ZSCAN5C: variants seen among roughly 807,000 people sequenced by gnomAD.
ZSCAN5C encodes zinc finger and SCAN domain containing 5C.
ZSCAN5C carries 11 observed loss-of-function variants against 17.3 expected under a neutral mutation model. The ratio of observed to expected loss-of-function variants is 0.64; its 90% CI spans 0.40 to 1.06. The LOEUF (loss-of-function observed/expected upper bound fraction) is 1.06, where lower values mean the gene tolerates loss of function less well. Among genes scored for constraint, ZSCAN5C ranks in the 50% least tolerant of loss-of-function variants. The pLI is 0.00. For missense variants in ZSCAN5C, 698 were observed against 538.9 expected, an observed-to-expected ratio of 1.30 and a Z score of -2.92; for synonymous variants, 229 against 208.4, an observed-to-expected ratio of 1.10 and a Z score of -0.85.
chr19:56,204,308 G>A (rs557808331), intron 1 of ZSCAN5C, among the ~76,000 whole-genome samples: 4 of 150,512 alleles, frequency 2.7e-5, no homozygotes, highest in Non-Finnish European at 4.4e-5. Flanking sequence ...CTCCCATATC[G>A]GCTGCTCTAA....
chr19:56,207,190 G>C (rs772010951), exon 3 of ZSCAN5C: 16 of 778,486 alleles, frequency 2.1e-5, no homozygotes, highest in Non-Finnish European at 3.6e-5. Context: ...TGAACCAGAT[G>C]TGTCCGGAGG....
At position 56,208,618 on chromosome 19, in the gene ZSCAN5C, C is replaced by T. The variant is rs182258045; in HGVS notation, c.909C>T (p.Asp303=). 755 of 1,606,548 alleles carry T rather than the reference C, an allele frequency of 4.7e-4. 6 individuals carry two copies. The African/African-American group carries it at 7.6e-3, about 16-fold the overall frequency. ...GAGGTCTCAAAAGAAGCAAACCAGA[C>T]GCCACCTCCATTTCCCAAGAAGAGC... is the stretch of plus-strand genomic sequence containing the variant. Residue 303 remains aspartate (D), a synonymous_variant, in exon 5 of 5, where the codon GAC becomes GAT. Transcript: ENST00000534327.
At chr19:56,209,368 T>C (rs1031140649), downstream of ZSCAN5C, 2 of 511,134 alleles carry the variant, frequency 3.9e-6, no homozygotes, top group Admixed American at 7.3e-5. Flanking sequence ...CGGGGGAATT[T>C]TGGTTTTTGT....
chr19:56,205,596 A>C (rs1398602886), intron 1 of ZSCAN5C, among the ~76,000 whole-genome samples, 191 bp from the exon 2 acceptor site: 1 of 151,858 alleles, frequency 6.6e-6, no homozygotes, highest in Non-Finnish European at 1.5e-5. Flanking sequence ...AATCCAGGGG[A>C]GTATTCAGAT....
exon 2 of ZSCAN5C, chr19:56,205,788 C>T: frequency 3.4e-6 from 2 of 587,714 alleles, no homozygotes; most frequent in South Asian, 2.2e-5. Flanking sequence ...TCCCTGCAGA[C>T]TTCTGAATGA....
downstream of ZSCAN5C, chr19:56,209,247 A>T (rs897245074): frequency 1.6e-6 from 1 of 637,050 alleles, no homozygotes; most frequent in Admixed American, 2.8e-5. Flanking sequence ...GTGAATGAAG[A>T]TTTTTCACCG....
At chr19:56,208,068 T>G in exon 4 of ZSCAN5C, 1 of 757,950 alleles carries the variant, frequency 1.3e-6, no homozygotes. Context: ...ACTACTGTCA[T>G]GAAAGGTGAC....
In ZSCAN5C at chr19:56,205,979, A is replaced by C. The variant is rs775005415; in HGVS notation, c.66A>C (p.Pro22=). 2.4e-5 allele frequency: 37 copies of C among 1,561,488 alleles called. 1 individual carries two copies. Among genetic ancestry groups the C allele is most frequent in the South Asian group, 1.1e-4 (10 of 90,104 alleles). The change falls in exon 2 of 5, where the codon CCA becomes CCC. Residue 22 remains proline (P), a synonymous_variant. Coordinates refer to ENST00000534327, the Ensembl canonical transcript of ZSCAN5C. ...CCTGCAACAGCCCTGGGTCAGAGCC[A>C]CCACAGTCCATGCCATCCCCAGCAA...
At chr19:56,209,110 C>T (rs748445583) in exon 5 of ZSCAN5C, 3 of 1,573,776 alleles carry the variant, frequency 1.9e-6, no homozygotes, top group African/African-American at 2.7e-5. Flanking sequence ...GAGAGAAACC[C>T]CACAAATGTT....
chr19:56,208,817 A>G, exon 5 of ZSCAN5C: 1 of 1,561,746 alleles, frequency 6.4e-7, no homozygotes, highest in Non-Finnish European at 8.8e-7. Flanking sequence ...GTATCGCGGC[A>G]AGTTAGCCGT....
chr19:56,207,321 G>A (rs560028313), intron 3 of ZSCAN5C, 59 bp downstream of exon 3: 19 of 702,512 alleles, frequency 2.7e-5, no homozygotes, highest in South Asian at 1.4e-4. Flanking sequence ...GGAGGAAATC[G>A]TGTGGCCACT....
chr19:56,207,288 GGGCA>G, intron 3 of ZSCAN5C, 26 bp downstream of exon 3: 1 of 755,446 alleles, frequency 1.3e-6, no homozygotes. Flanking sequence ...CTTGGTGTCT[GGGCA>G]GAGGTGGGAG....
At chr19:56,208,484 C>A (rs1865102) in exon 5 of ZSCAN5C, 907,502 of 1,497,148 alleles carry the variant, frequency 0.61, 277,025 homozygotes, top group Admixed American at 0.75. Context: ...GAAGGAACCC[C>A]AAAAAAGAGC....
exon 5 of ZSCAN5C, chr19:56,208,943 T>A: frequency 6.2e-7 from 1 of 1,613,534 alleles, no homozygotes; most frequent in Non-Finnish European, 8.5e-7. Flanking sequence ...CGAGAGGCCC[T>A]ACACGTGTGA....
At chr19:56,204,323 C>T (rs1443414519) in intron 1 of ZSCAN5C, among the ~76,000 whole-genome samples, 1 of 150,894 alleles carries the variant, frequency 6.6e-6, no homozygotes, top group East Asian at 1.9e-4. Flanking sequence ...CTCTAATTTA[C>T]ATCCCAGCAC....
chr19:56,203,713 G>A lies in ZSCAN5C; in HGVS notation c.-128+1391G>A, dbSNP rs530121906. Among the ~76,000 whole-genome samples, 17 of 144,434 alleles carry A rather than the reference G, an allele frequency of 1.2e-4. 1 individual carries two copies. Among genetic ancestry groups the A allele is most frequent in the African/African-American group, 3.9e-4 (15 of 38,340 alleles). 94.8% of individuals were successfully genotyped at this position (144,434 alleles called of 152,430 possible). On this transcript the variant is annotated intron_variant, in intron 1 of 4. Coordinates refer to ENST00000534327, the Ensembl canonical transcript of ZSCAN5C. The stretch of plus-strand genomic sequence containing the variant: ...TGCCCAGGCTGGAGTGCAATGGCGC[G>A]ATCTCTGTTCACCACAACCTCTGGC...
exon 5 of ZSCAN5C, chr19:56,209,092 C>T: frequency 6.3e-7 from 1 of 1,592,240 alleles, no homozygotes; most frequent in Admixed American, 1.7e-5. Context: ...ACCAGCGCAT[C>T]CACTCTGGAG....
exon 2 of ZSCAN5C, chr19:56,205,968 G>A: frequency 6.7e-7 from 1 of 1,502,830 alleles, no homozygotes; most frequent in Non-Finnish European, 9.3e-7. Context: ...CAACAGCCCT[G>A]GGTCAGAGCC....
chr19:56,205,754 CTT>C, intron 1 of ZSCAN5C, 31 bp from the exon 2 acceptor site: 1 of 582,286 alleles, frequency 1.7e-6, no homozygotes, highest in East Asian at 2.8e-5. Context: ...AGAGTAGAAA[CTT>C]TAACAGAGCT....
Sources: allele counts gnomAD v4.1 joint callset (sites outside exome capture counted in the v4.1 genomes callset), GRCh38; gene constraint gnomAD v4.1.1; transcripts MANE v1.5; gene names NCBI Gene and HGNC (gene_info 2026-07-23, HGNC 2026-07-21).